PPM1L: variants seen among roughly 807,000 people sequenced by gnomAD.
The protein encoded by PPM1L is protein phosphatase 1L.
Under a neutral mutation model 31.4 loss-of-function variants are expected in PPM1L, and 13 were observed. That is an observed-to-expected ratio of 0.41 (90% CI 0.27 to 0.66). The LOEUF is 0.66. Among genes scored for constraint, PPM1L ranks in the 30% least tolerant of loss-of-function variants. The probability of loss-of-function intolerance (pLI) is 0.29; values close to 1 mark genes in which losing one functional copy is unlikely to be tolerated. For missense variants in PPM1L, 326 were observed against 453.7 expected (o/e 0.72, Z 2.56); for synonymous variants, 184 against 175.4 (o/e 1.05, Z -0.39).
intron 1 of PPM1L, among the ~76,000 whole-genome samples, chr3:160,855,762 G>C (rs893005808): frequency 6.6e-6 from 1 of 152,152 alleles, no homozygotes; most frequent in African/African-American, 2.4e-5. Flanking sequence ...CACTGCTGGA[G>C]GGAACGTAAG....
At chr3:161,032,162 G>A (rs1718586618) in intron 2 of PPM1L, among the ~76,000 whole-genome samples, 1 of 152,154 alleles carries the variant, frequency 6.6e-6, no homozygotes, top group Non-Finnish European at 1.5e-5. Context: ...TGGTTAAAGT[G>A]GAGCCACTTT....
chr3:160,972,752 C>G (rs1484127316), intron 2 of PPM1L, among the ~76,000 whole-genome samples: 2 of 152,024 alleles, frequency 1.3e-5, no homozygotes, highest in African/African-American at 2.4e-5. Context: ...ATTTCTAGTT[C>G]TAGATCCCTG....
At chr3:161,021,698 G>C (rs1353791705) in intron 2 of PPM1L, among the ~76,000 whole-genome samples, 2 of 151,840 alleles carry the variant, frequency 1.3e-5, no homozygotes, top group East Asian at 3.9e-4. Context: ...ACGTATTTTA[G>C]AGCTCTGTTG....
At chr3:160,965,410 A>C (rs1716109779) in intron 2 of PPM1L, among the ~76,000 whole-genome samples, 1 of 152,034 alleles carries the variant, frequency 6.6e-6, no homozygotes, top group Non-Finnish European at 1.5e-5. Flanking sequence ...CTTCACATAC[A>C]CCCATTCTGT....
rs752031845 is a variant in PPM1L, at chr3:161,074,694, A to C, written c.*5537A>C. 2 of 152,176 alleles carry C rather than the reference A, an allele frequency of 1.3e-5. No homozygotes were observed. Among genetic ancestry groups the C allele is most frequent in the Non-Finnish European group, 2.9e-5 (2 of 68,030 alleles). 9.4% of individuals were successfully genotyped at this position (152,176 alleles called of 1,614,324 possible). A position where few individuals can be genotyped will look rare whatever the true frequency, so the allele number is the denominator to read the frequency against. Reference sequence around the variant, plus strand: ...ACCACTGTTGAACAGCAAACTGTTGAGGCTAGGGTTGATTATTGATAATTT... The same window carrying C: ...ACCACTGTTGAACAGCAAACTGTTGCGGCTAGGGTTGATTATTGATAATTT... On this transcript the variant is annotated 3_prime_UTR_variant, in exon 4 of 4. Coordinates refer to ENST00000498165, the MANE Select transcript of PPM1L (RefSeq NM_139245.4).
intron 1 of PPM1L, among the ~76,000 whole-genome samples, chr3:160,862,662 G>GCGCACACACA (rs1553814126): frequency 2.4e-5 from 3 of 127,224 alleles, no homozygotes; most frequent in East Asian, 2.3e-4. Context: ...CTAGGCACAC[G>GCGCACACACA]CACACACACA....
chr3:160,806,745 AAAAGAAAGAAAG>A (rs200449392), intron 1 of PPM1L, among the ~76,000 whole-genome samples: 2 of 151,502 alleles, frequency 1.3e-5, no homozygotes, highest in African/African-American at 2.4e-5. Context: ...TGGTCTCTGA[AAAAGAAAGAAAG>A]AAAGAAAGAA....
At chr3:161,041,026 T>A (rs1718890373) in intron 2 of PPM1L, among the ~76,000 whole-genome samples, 1 of 151,940 alleles carries the variant, frequency 6.6e-6, no homozygotes, top group Admixed American at 6.5e-5. Flanking sequence ...CTAGCACCTT[T>A]TAAAGATCTG....
chr3:160,806,745 AAAAGAAAG>A (rs200449392), intron 1 of PPM1L, among the ~76,000 whole-genome samples: 6 of 151,622 alleles, frequency 4.0e-5, no homozygotes, highest in African/African-American at 1.5e-4. Context: ...TGGTCTCTGA[AAAAGAAAG>A]AAAGAAAGAA....
intron 1 of PPM1L, among the ~76,000 whole-genome samples, chr3:160,922,046 C>A (rs1025322418): frequency 1.8e-4 from 28 of 152,140 alleles, no homozygotes; most frequent in African/African-American, 6.8e-4. Flanking sequence ...CACGGTGGCT[C>A]ACACCTGTAA....
At chr3:160,977,702 G>T (rs1236739443) in intron 2 of PPM1L, among the ~76,000 whole-genome samples, 2 of 151,966 alleles carry the variant, frequency 1.3e-5, no homozygotes, top group African/African-American at 4.8e-5. Context: ...ATAGATCAAA[G>T]CCATAAATAA....
At chr3:160,816,355 TG>T (rs1712995485) in intron 1 of PPM1L, among the ~76,000 whole-genome samples, 1 of 152,032 alleles carries the variant, frequency 6.6e-6, no homozygotes. Flanking sequence ...ATTGTTGGTT[TG>T]TTTCTTTTCT....
chr3:160,852,834 A>C (rs1560126895), intron 1 of PPM1L, among the ~76,000 whole-genome samples: 1 of 152,186 alleles, frequency 6.6e-6, no homozygotes, highest in African/African-American at 2.4e-5. Flanking sequence ...AGTTCACCAA[A>C]AGCAGTGTCA....
At chr3:160,771,868 G>GTT (rs369217035) in intron 1 of PPM1L, among the ~76,000 whole-genome samples, 3 of 147,788 alleles carry the variant, frequency 2.0e-5, no homozygotes, top group African/African-American at 7.4e-5. Flanking sequence ...TTTGCTGTTT[G>GTT]TTTTTTTTTT....
chr3:160,791,539 A>G (rs1046484605), intron 1 of PPM1L, among the ~76,000 whole-genome samples: 2 of 152,122 alleles, frequency 1.3e-5, no homozygotes, highest in Non-Finnish European at 2.9e-5. Flanking sequence ...AAAACCGTTC[A>G]CTGAGCACTT....
intron 2 of PPM1L, among the ~76,000 whole-genome samples, chr3:161,021,721 ATATT>A (rs1718239854): frequency 6.6e-6 from 1 of 152,026 alleles, no homozygotes; most frequent in African/African-American, 2.4e-5. Context: ...ATGTGCATAT[ATATT>A]TATCTCCCTG....
intron 1 of PPM1L, among the ~76,000 whole-genome samples, chr3:160,861,673 A>T (rs1711895773): frequency 6.6e-6 from 1 of 152,204 alleles, no homozygotes; most frequent in South Asian, 2.1e-4. Flanking sequence ...TTACAAAAAA[A>T]AATCTAGTGG....
chr3:160,849,422 T>TC (rs61120615), intron 1 of PPM1L, among the ~76,000 whole-genome samples: 2 of 151,502 alleles, frequency 1.3e-5, no homozygotes, highest in Admixed American at 6.6e-5. Context: ...TTTCTTTCTT[T>TC]TTTTTTTTTA....
intron 2 of PPM1L, among the ~76,000 whole-genome samples, chr3:161,065,131 T>C (rs893876557): frequency 5.3e-5 from 8 of 152,170 alleles, no homozygotes; most frequent in African/African-American, 1.7e-4. Context: ...AAATGTGATA[T>C]GTGTTTAAGA....
Sources: allele counts gnomAD v4.1 joint callset (sites outside exome capture counted in the v4.1 genomes callset), GRCh38; gene constraint gnomAD v4.1.1; transcripts MANE v1.5; gene names NCBI Gene and HGNC (gene_info 2026-07-23, HGNC 2026-07-21).